The following DOCK3 variants were observed in gnomAD, a reference collection of about 807,000 sequenced individuals.
DOCK3 encodes the protein dedicator of cytokinesis 3, also known as dedicator of cytokinesis protein 3.
In DOCK3, 60 loss-of-function variants were observed where a neutral mutation model predicts 265.6. That is an observed-to-expected ratio of 0.23 (90% CI 0.18 to 0.28). DOCK3 has a LOEUF of 0.28. DOCK3 is among the 10% of genes least tolerant of loss of function. The pLI, the probability that DOCK3 is intolerant of heterozygous loss-of-function variation, is 1.00. For missense variants in DOCK3, 1,981 were observed against 2,594.3 expected (o/e 0.76, Z 5.14); for synonymous variants, 881 against 938.0 (o/e 0.94, Z 1.11).
At chr3:51,333,379 C>T in intron 35 of DOCK3, 126 bp downstream of exon 35, 1 of 946,746 alleles carries the variant, frequency 1.1e-6, no homozygotes, top group Non-Finnish European at 1.7e-6. Flanking sequence ...ATATTGGGTG[C>T]CATCACCAGT....
chr3:51,261,995 G>GACTTAAA (rs1330752217), intron 23 of DOCK3, among the ~76,000 whole-genome samples: 1 of 152,196 alleles, frequency 6.6e-6, no homozygotes, highest in Non-Finnish European at 1.5e-5. Flanking sequence ...AGCTTCAGCA[G>GACTTAAA]ACTTAAATGT....
At chr3:50,901,314 A>G (rs1265439170) in intron 4 of DOCK3, among the ~76,000 whole-genome samples, 4 of 151,900 alleles carry the variant, frequency 2.6e-5, no homozygotes, top group African/African-American at 9.7e-5. Flanking sequence ...AATGGCAGAC[A>G]CCCCTCCCCC....
At chr3:50,816,005 G>A (rs1368854498) in intron 2 of DOCK3, among the ~76,000 whole-genome samples, 1 of 151,968 alleles carries the variant, frequency 6.6e-6, no homozygotes, top group East Asian at 1.9e-4. Flanking sequence ...AGGTAGGCTG[G>A]AATCTTCTGT....
At chr3:50,968,441 A>G (rs910328669) in intron 5 of DOCK3, among the ~76,000 whole-genome samples, 1 of 152,230 alleles carries the variant, frequency 6.6e-6, no homozygotes, top group Non-Finnish European at 1.5e-5. Context: ...TGAGTAGTGT[A>G]CATTGTACTC....
chr3:51,271,872 G>T (rs1192614058), intron 24 of DOCK3, among the ~76,000 whole-genome samples: 2 of 26,644 alleles, frequency 7.5e-5, no homozygotes, highest in Admixed American at 3.2e-4. Context: ...AAAAAAAAAG[G>T]CCCTGAAAGG....
intron 1 of DOCK3, among the ~76,000 whole-genome samples, chr3:50,746,806 C>T (rs1207266433): frequency 6.6e-6 from 1 of 152,006 alleles, no homozygotes; most frequent in Non-Finnish European, 1.5e-5. Context: ...CATGAGAACT[C>T]ACTAGCTGTT....
intron 27 of DOCK3, among the ~76,000 whole-genome samples, chr3:51,304,091 C>T (rs572148425): frequency 1.7e-4 from 26 of 152,330 alleles, no homozygotes; most frequent in Admixed American, 3.3e-4. Flanking sequence ...GATCAAAGTT[C>T]TGTCCCTAAA....
rs186457201 is a variant in DOCK3 at position 51,276,311 on chromosome 3, C to T, written c.2676+1105C>T. 3.0e-5 allele frequency: 29 copies of T among 969,148 alleles called. No individual in the cohort carries two copies. In the Admixed American group the frequency reaches 6.2e-4, roughly 21 times the overall value. The allele number at this position is 969,148 out of a possible 1,614,324, so 60.0% of individuals were successfully genotyped here. On this transcript the variant is annotated intron_variant, in intron 25 of 52. Transcript: ENST00000266037. Reference sequence around the variant, plus strand: ...GGCAGCTCTTCTTCCCACCAGGCCTCAGAGAAGCCACACCAAGCACATAAG... The same window carrying T: ...GGCAGCTCTTCTTCCCACCAGGCCTTAGAGAAGCCACACCAAGCACATAAG...
At chr3:50,892,442 C>G (rs62257807) in intron 4 of DOCK3, among the ~76,000 whole-genome samples, 6 of 152,140 alleles carry the variant, frequency 3.9e-5, no homozygotes, top group African/African-American at 1.4e-4. Context: ...AGAGTAGACA[C>G]GTTGAAATGG....
chr3:51,094,556 TTTC>T (rs1476973175), intron 9 of DOCK3, among the ~76,000 whole-genome samples: 1 of 152,040 alleles, frequency 6.6e-6, no homozygotes, highest in Admixed American at 6.6e-5. Flanking sequence ...ACTTTTCTCT[TTTC>T]TTCTTTATTA....
intron 12 of DOCK3, among the ~76,000 whole-genome samples, chr3:51,197,746 G>C (rs2088406237): frequency 6.6e-6 from 1 of 152,132 alleles, no homozygotes; most frequent in Non-Finnish European, 1.5e-5. Context: ...GGTGTTAGCA[G>C]CTATGCTAAC....
intron 12 of DOCK3, among the ~76,000 whole-genome samples, chr3:51,164,209 T>A (rs1019422617): frequency 4.6e-5 from 7 of 152,142 alleles, no homozygotes; most frequent in Non-Finnish European, 7.3e-5. Flanking sequence ...TGCTCTTTTT[T>A]AAAAAAATGT....
At chr3:51,038,070 T>C (rs938470928) in intron 5 of DOCK3, among the ~76,000 whole-genome samples, 11 of 152,218 alleles carry the variant, frequency 7.2e-5, no homozygotes, top group Non-Finnish European at 1.5e-4. Flanking sequence ...GGCTAAGCTG[T>C]ACTTTTACCA....
At chr3:51,069,167 T>A (rs4530566) in intron 6 of DOCK3, among the ~76,000 whole-genome samples, 137,161 of 152,200 alleles carry the variant, frequency 0.9, 62,000 homozygotes, top group African/African-American at 0.95. Flanking sequence ...AACCGCACTT[T>A]CTACATTGTG....
intron 5 of DOCK3, among the ~76,000 whole-genome samples, chr3:51,001,558 C>T (rs542328912): frequency 3.3e-5 from 5 of 152,236 alleles, no homozygotes; most frequent in African/African-American, 1.2e-4. Flanking sequence ...AAGTCTCTTT[C>T]TGTATATAGA....
intron 1 of DOCK3, among the ~76,000 whole-genome samples, chr3:50,716,074 A>G (rs372722280): frequency 6.6e-6 from 1 of 151,998 alleles, no homozygotes; most frequent in East Asian, 1.9e-4. Flanking sequence ...TATCCCACAG[A>G]GAACTTAGGT....
chr3:51,093,759 A>T (rs1259214131), intron 9 of DOCK3, among the ~76,000 whole-genome samples: 1 of 152,184 alleles, frequency 6.6e-6, no homozygotes, highest in Non-Finnish European at 1.5e-5. Flanking sequence ...TTTCAAAGGG[A>T]ATGCTTCCAG....
chr3:51,029,723 C>T (rs1029103129), intron 5 of DOCK3, among the ~76,000 whole-genome samples: 2 of 152,174 alleles, frequency 1.3e-5, no homozygotes, highest in Non-Finnish European at 2.9e-5. Flanking sequence ...CCAACAGTCC[C>T]TCATGCTTGC....
At chr3:51,090,883 G>A (rs1008460981) in intron 9 of DOCK3, among the ~76,000 whole-genome samples, 1 of 152,172 alleles carries the variant, frequency 6.6e-6, no homozygotes, top group African/African-American at 2.4e-5. Context: ...TGTTAGGAGT[G>A]CTTTATGGCT....
Sources: allele counts gnomAD v4.1 joint callset (sites outside exome capture counted in the v4.1 genomes callset), GRCh38; gene constraint gnomAD v4.1.1; transcripts MANE v1.5; gene names NCBI Gene and HGNC (gene_info 2026-07-23, HGNC 2026-07-21).